FOXK1: variants seen among roughly 807,000 people sequenced by gnomAD.
FOXK1 encodes the protein forkhead box protein K1.
FOXK1 carries 19 observed loss-of-function variants against 51.9 expected under a neutral mutation model. The observed-to-expected ratio is 0.37, with a 90% confidence interval of 0.26 to 0.54. The LOEUF (loss-of-function observed/expected upper bound fraction) is 0.54. Among genes scored for constraint, FOXK1 ranks in the 20% least tolerant of loss-of-function variants. The pLI is 0.87. For missense variants in FOXK1, 870 were observed against 1,032.7 expected (o/e 0.84, Z 2.16); for synonymous variants, 537 against 482.6 (o/e 1.11, Z -1.48).
chr7:4,752,028 C>G (rs948523336), intron 2 of FOXK1, among the ~76,000 whole-genome samples: 1 of 152,240 alleles, frequency 6.6e-6, no homozygotes, highest in Non-Finnish European at 1.5e-5. Context: ...TCATAGCTCA[C>G]TGCAGCCTCG....
chr7:4,734,972 A>T lies in FOXK1; in HGVS notation c.561-5866A>T, dbSNP rs28476654. Among the ~76,000 whole-genome samples the T allele has an allele frequency of 0.071, 10,782 of 152,156 alleles. 501 individuals carry two copies. Among genetic ancestry groups the T allele is most frequent in the African/African-American group, 0.12 (4,929 of 41,508 alleles). ...CCTTCCCTCTCTGATTATTTCTCTG[A>T]GTCTGAAATGATGACAATTGTATTT... On this transcript the variant is annotated intron_variant, in intron 1 of 8. Coordinates refer to ENST00000328914, the MANE Select transcript of FOXK1 (RefSeq NM_001037165.2). The surrounding 1 kb of genome is among the most constrained non-coding windows in gnomAD (Gnocchi z 5.2).
In FOXK1 at chr7:4,749,410, G is replaced by A. The variant is rs1281073504; in HGVS notation, c.747-5049G>A. 1.2e-4 allele frequency among the ~76,000 whole-genome samples: 18 copies of A among 152,324 alleles called. No individual in the cohort carries two copies. Among genetic ancestry groups the A allele is most frequent in the Admixed American group, 1.0e-3 (16 of 15,304 alleles). ...CCTAAAAACCCTCTTAGAGCGGCTG[G>A]TATTGGAGCAGGGGCTGGGGCAGGG... is the stretch of plus-strand genomic sequence containing the variant. On this transcript the variant is annotated intron_variant, in intron 2 of 8. Transcript: ENST00000328914. The surrounding 1 kb of genome is among the most constrained non-coding windows in gnomAD (Gnocchi z 6.0).
At chr7:4,750,273 TG>T (rs553400746) in intron 2 of FOXK1, among the ~76,000 whole-genome samples, 85 of 151,626 alleles carry the variant, frequency 5.6e-4, no homozygotes, top group Non-Finnish European at 4.6e-4. Flanking sequence ...AGCTAGGGAC[TG>T]GGGGGGGCCT....
At chr7:4,700,089 C>G (rs1435324681) in intron 1 of FOXK1, among the ~76,000 whole-genome samples, 2 of 152,210 alleles carry the variant, frequency 1.3e-5, no homozygotes, top group South Asian at 2.1e-4. Context: ...GAGGCCTTCC[C>G]CGGTGCCTGG....
At position 4,729,638 on chromosome 7, in the gene FOXK1, GTC is replaced by G. The variant is rs894622230; in HGVS notation, c.561-11195_561-11194del. Reference sequence around the variant, plus strand: ...TGGGGCTCTATCCTAATTCAGTGAGGTCTCTCGCCACCTTCCTCCAGGGTCTT... The same window carrying G: ...TGGGGCTCTATCCTAATTCAGTGAGGTCTCGCCACCTTCCTCCAGGGTCTT... On this transcript the variant is annotated intron_variant, in intron 1 of 8. Coordinates refer to ENST00000328914, the MANE Select transcript of FOXK1 (RefSeq NM_001037165.2). The surrounding 1 kb of genome is among the most constrained non-coding windows in gnomAD (Gnocchi z 6.2). Among the ~76,000 whole-genome samples the G allele has an allele frequency of 6.6e-5, 10 of 152,212 alleles. No homozygotes were observed. Among genetic ancestry groups the G allele is most frequent in the South Asian group, 2.1e-4 (1 of 4,832 alleles).
At position 4,770,863 on chromosome 7, in the gene FOXK1, CGGTG is replaced by C. The variant is rs1291544001; in HGVS notation, c.*8400_*8403del. ...TAATTTGGGAGGGGCGGGTGTTGTT[CGGTG>C]TGTGTGTGTGTGTGTGTGTGTGTGT... On this transcript the variant is annotated 3_prime_UTR_variant, in exon 9 of 9. Transcript: ENST00000328914. The C allele has an allele frequency of 9.9e-6, 1 of 100,696 alleles. No homozygotes were observed. Among genetic ancestry groups the C allele is most frequent in the Non-Finnish European group, 1.9e-5 (1 of 52,426 alleles). The allele number at this position is 100,696 out of a possible 1,614,324, so 6.2% of individuals were successfully genotyped here.
rs531926005 is a variant in FOXK1 at position 4,767,164 on chromosome 7, A to G, written c.*4700A>G. On this transcript the variant is annotated 3_prime_UTR_variant, in exon 9 of 9. Coordinates refer to ENST00000328914, the MANE Select transcript of FOXK1 (RefSeq NM_001037165.2). This position sits in a 1 kb window ranked among gnomAD's most constrained non-coding sequence, Gnocchi z 6.6. ...TTGACCCCTCTAGAGAGGACACCCCAAGTCCATCCTGGGCTCCTCCTCACC... is the reference window on the plus strand; with the variant it reads ...TTGACCCCTCTAGAGAGGACACCCCGAGTCCATCCTGGGCTCCTCCTCACC... The G allele has an allele frequency of 7.9e-5, 12 of 152,278 alleles. No homozygotes were observed. The highest frequency in any genetic ancestry group is 2.9e-4 in the African/African-American group (12 of 41,542). 9.4% of individuals were successfully genotyped at this position (152,278 alleles called of 1,614,324 possible). A position where few individuals can be genotyped will look rare whatever the true frequency, so the allele number is the denominator to read the frequency against.
intron 2 of FOXK1, among the ~76,000 whole-genome samples, chr7:4,746,793 G>A (rs918516300): frequency 2.0e-5 from 3 of 152,222 alleles, no homozygotes; most frequent in African/African-American, 4.8e-5. Flanking sequence ...CACCCCTAGC[G>A]GGAATCCTGC....
rs1382321812 is a variant in FOXK1, at chr7:4,701,580, A to T, written c.560+18712A>T. ...GGACCAGTCTGGGCGACATAGCAAG[A>T]TTCTGTCCCTGCAAAAAATAAAAAG... On this transcript the variant is annotated intron_variant, in intron 1 of 8. Transcript: ENST00000328914. Among the ~76,000 whole-genome samples, 3 of 152,172 alleles carry T rather than the reference A, an allele frequency of 2.0e-5. No individual in the cohort carries two copies. The East Asian group carries it at 5.8e-4, about 29-fold the overall frequency.
chr7:4,683,977 G>A lies in FOXK1; in HGVS notation c.560+1109G>A, dbSNP rs1190142295. On this transcript the variant is annotated intron_variant, in intron 1 of 8. Coordinates refer to ENST00000328914, the MANE Select transcript of FOXK1 (RefSeq NM_001037165.2). The surrounding 1 kb of genome is among the most constrained non-coding windows in gnomAD (Gnocchi z 4.5). ...CCCAAGATCAAATTAGATTCCCCCG[G>A]GCCCGAGGTCACCAGGGCAGAGAGA... Among the ~76,000 whole-genome samples the A allele has an allele frequency of 2.6e-5, 4 of 152,098 alleles. No homozygotes were observed. The highest frequency in any genetic ancestry group is 5.9e-5 in the Non-Finnish European group (4 of 68,036).
chr7:4,732,640 A>G (rs920918357), intron 1 of FOXK1, among the ~76,000 whole-genome samples: 2 of 152,200 alleles, frequency 1.3e-5, no homozygotes, highest in East Asian at 1.9e-4. Flanking sequence ...TTAAATGGCC[A>G]TAGTAACGCA....
At chr7:4,741,472 GCGCCTGCTACCA>G (rs1229430070) in intron 2 of FOXK1, among the ~76,000 whole-genome samples, 7 of 152,240 alleles carry the variant, frequency 4.6e-5, no homozygotes, top group Non-Finnish European at 8.8e-5. Context: ...GGGATGACAG[GCGCCTGCTACCA>G]CGCCTGGCTA....
chr7:4,762,106 C>G lies in FOXK1; in HGVS notation c.1922-78C>G, dbSNP rs978879673. Reference sequence around the variant, plus strand: ...CTCCGGTTCCGGCTTGGTGGCTTAGCCCCTGTATAGGGGACTTGAAAAAAG... The same window carrying G: ...CTCCGGTTCCGGCTTGGTGGCTTAGGCCCTGTATAGGGGACTTGAAAAAAG... On this transcript the variant is annotated intron_variant, in intron 8 of 8. Coordinates refer to ENST00000328914, the MANE Select transcript of FOXK1 (RefSeq NM_001037165.2). The surrounding 1 kb of genome is among the most constrained non-coding windows in gnomAD (Gnocchi z 5.7). 6.8e-7 allele frequency: 1 copy of G among 1,470,232 alleles called. No homozygotes were observed. The highest frequency in any genetic ancestry group is 9.1e-7 in the Non-Finnish European group (1 of 1,096,346). 91.1% of individuals were successfully genotyped at this position (1,470,232 alleles called of 1,614,324 possible).
chr7:4,738,228 G>C (rs892377821), intron 1 of FOXK1, among the ~76,000 whole-genome samples: 1 of 151,750 alleles, frequency 6.6e-6, no homozygotes, highest in Non-Finnish European at 1.5e-5. Flanking sequence ...CCTGAGGTCA[G>C]GAGTTTGAGA....
chr7:4,682,748 G>T lies in FOXK1; in HGVS notation c.440G>T (p.Arg147Leu). ...GGCCTGTCCAGCTTCATCTCGCGGC[G>T]CCACCTGCAGCTCAGCTTCCAGGAG... ...SMGLSSFISR[R>L]HLQLSFQEPH... Residue 147 changes from arginine to leucine, a missense_variant, in exon 1 of 9, where the codon CGC becomes CTC. Arg to Leu is a moderately radical substitution (Grantham distance 102). Coordinates refer to ENST00000328914, the MANE Select transcript of FOXK1 (RefSeq NM_001037165.2). This position sits in a 1 kb window ranked among gnomAD's most constrained non-coding sequence, Gnocchi z 7.6. 2 of 1,600,650 alleles carry T rather than the reference G, an allele frequency of 1.2e-6. No homozygotes were observed. Among genetic ancestry groups the T allele is most frequent in the Non-Finnish European group, 8.5e-7 (1 of 1,177,662 alleles).
intron 1 of FOXK1, among the ~76,000 whole-genome samples, chr7:4,713,806 G>GTTTTTTCT (rs113489857): frequency 6.6e-6 from 1 of 151,372 alleles, no homozygotes; most frequent in African/African-American, 2.4e-5. Context: ...TTTCTTTTGA[G>GTTTTTTCT]TTTTTTCTTT....
rs950975037 is a variant in FOXK1, at chr7:4,715,284, G to A, written c.561-25554G>A. On this transcript the variant is annotated intron_variant, in intron 1 of 8. Coordinates refer to ENST00000328914, the MANE Select transcript of FOXK1 (RefSeq NM_001037165.2). The surrounding 1 kb of genome is among the most constrained non-coding windows in gnomAD (Gnocchi z 4.5). ...TGGTGTTTTGTTTCAAGGAGAGATC[G>A]TAAGTCATGGCTTCAGTTTGCTGGC... Among the ~76,000 whole-genome samples, 45 of 152,078 alleles carry A rather than the reference G, an allele frequency of 3.0e-4. No homozygotes were observed. Among genetic ancestry groups the A allele is most frequent in the African/African-American group, 5.3e-4 (22 of 41,396 alleles).
At chr7:4,705,981 T>TATATATACGTATATAC (rs1562373009) in intron 1 of FOXK1, among the ~76,000 whole-genome samples, 1 of 98,300 alleles carries the variant, frequency 1.0e-5, no homozygotes, top group Non-Finnish European at 1.9e-5. Context: ...TACGTATATA[T>TATATATACGTATATAC]ACGTATATAT....
chr7:4,724,599 T>TTG (rs2115050214), intron 1 of FOXK1, among the ~76,000 whole-genome samples: 1 of 152,272 alleles, frequency 6.6e-6, no homozygotes, highest in African/African-American at 2.4e-5. Context: ...CTGTGCCTCG[T>TTG]TGTGTGTGTG....
Sources: gnomAD v4.1 joint callset for allele counts (sites outside exome capture counted in the v4.1 genomes callset) on GRCh38, gnomAD v4.1.1 for gene constraint, Gnocchi (gnomAD v3.1) non-coding constraint, MANE v1.5 for transcripts, NCBI Gene and HGNC (gene_info 2026-07-23, HGNC 2026-07-21) for gene names.